Variants in ZMYND12 observed in about 807,000 individuals in gnomAD.
The protein encoded by ZMYND12 is zinc finger MYND-type containing 12.
Under a neutral mutation model 41.7 loss-of-function variants are expected in ZMYND12, and 32 were observed. The observed-to-expected ratio is 0.77, with a 90% CI of 0.58 to 1.03. The LOEUF is 1.03. Ranked by LOEUF, ZMYND12 falls within the 50% of genes least tolerant of loss-of-function variation. ZMYND12 has a pLI of 0.00. For synonymous variants in ZMYND12, 148 were observed against 164.8 expected, an observed-to-expected ratio of 0.90 and a Z score of 0.78; for missense variants, 424 against 438.5, an observed-to-expected ratio of 0.97 and a Z score of 0.30.
intron 4 of ZMYND12, among the ~76,000 whole-genome samples, chr1:42,436,801 A>G (rs993849515): frequency 6.6e-5 from 10 of 151,944 alleles, no homozygotes; most frequent in African/African-American, 2.2e-4. Flanking sequence ...GGCTAGAATC[A>G]AATACAGAAA....
chr1:42,433,122 T>C (rs769100221), intron 7 of ZMYND12, 21 bp downstream of exon 7: 1 of 1,605,468 alleles, frequency 6.2e-7, no homozygotes, highest in Non-Finnish European at 8.5e-7. Context: ...TTAGACGTGT[T>C]GCTTTTTTAG....
At chr1:42,435,755 C>T (rs1642899220) in intron 5 of ZMYND12, among the ~76,000 whole-genome samples, 1 of 152,238 alleles carries the variant, frequency 6.6e-6, no homozygotes, top group African/African-American at 2.4e-5. Context: ...GAAGATCACA[C>T]ACGACTTCTG....
chr1:42,439,271 CTTT>C, intron 4 of ZMYND12, among the ~76,000 whole-genome samples: 1 of 144,432 alleles, frequency 6.9e-6, no homozygotes, highest in African/African-American at 2.6e-5. Flanking sequence ...CTCTCTCTCT[CTTT>C]TTTTTTTTTT....
Position 42,448,515 on chromosome 1 carries a change from A to G in ZMYND12, c.376T>C (p.Ser126Pro). 1 of 1,611,904 alleles carries G rather than the reference A, an allele frequency of 6.2e-7. No individual in the cohort carries two copies. Among genetic ancestry groups the G allele is most frequent in the Non-Finnish European group, 8.5e-7 (1 of 1,179,008 alleles). Reference sequence around the variant, plus strand: ...AGGTAAGCAGGCACAAGCTCTACGGAGCTCAGGCCATACAGCTTCACACGG... The same window carrying G: ...AGGTAAGCAGGCACAAGCTCTACGGGGCTCAGGCCATACAGCTTCACACGG... ...RFRVKLYGLS[S>P]VELVPAYLLL... The change falls in exon 3 of 8, where the codon TCC becomes CCC. Residue 126 changes from serine to proline, a missense_variant. By Grantham distance (74) the Ser-to-Pro change is moderately conservative. Transcript: ENST00000372565.
At chr1:42,448,116 A>G (rs1283364596) in intron 3 of ZMYND12, among the ~76,000 whole-genome samples, 2 of 146,292 alleles carry the variant, frequency 1.4e-5, no homozygotes, top group African/African-American at 5.2e-5. Context: ...GAGGGAAAAT[A>G]GCAAAGCAGA....
intron 2 of ZMYND12, among the ~76,000 whole-genome samples, chr1:42,448,895 A>T (rs2148409764): frequency 6.6e-6 from 1 of 152,340 alleles, no homozygotes; most frequent in Middle Eastern, 3.4e-3. Flanking sequence ...TGCTCAATAT[A>T]GAGTTATCAG....
intron 1 of ZMYND12, among the ~76,000 whole-genome samples, chr1:42,455,626 C>CTGA (rs1269558777): frequency 6.6e-6 from 1 of 152,242 alleles, no homozygotes; most frequent in Non-Finnish European, 1.5e-5. Flanking sequence ...TTTGAAGGAA[C>CTGA]TGATCTACCG....
intron 1 of ZMYND12, among the ~76,000 whole-genome samples, chr1:42,454,255 T>A (rs963420055): frequency 7.2e-5 from 11 of 152,190 alleles, no homozygotes; most frequent in African/African-American, 2.7e-4. Context: ...GGCCTTGTAT[T>A]TTCTGTTACA....
chr1:42,453,920 CAT>C (rs1248190049), intron 1 of ZMYND12, among the ~76,000 whole-genome samples: 3 of 152,116 alleles, frequency 2.0e-5, no homozygotes, highest in Non-Finnish European at 2.9e-5. Flanking sequence ...TAGTAAAAGA[CAT>C]AGACATCAGA....
At chr1:42,452,566 G>T (rs1272333982) in intron 1 of ZMYND12, among the ~76,000 whole-genome samples, 1 of 152,128 alleles carries the variant, frequency 6.6e-6, no homozygotes, top group Non-Finnish European at 1.5e-5. Context: ...AGCCAGGCGT[G>T]GTGGCGCATC....
rs367766601 is a variant in ZMYND12 at position 42,430,909 on chromosome 1, A to G, written c.976-51T>C. On this transcript the variant is annotated intron_variant, in intron 7 of 7. Transcript: ENST00000372565. Reference sequence around the variant, plus strand: ...GGAAGTTGTCACAGGAAAGCATAACACTGGGAAGCCCCATCTGTGCTCAAC... The same window carrying G: ...GGAAGTTGTCACAGGAAAGCATAACGCTGGGAAGCCCCATCTGTGCTCAAC... 335 of 1,608,168 alleles carry G rather than the reference A, an allele frequency of 2.1e-4. 1 individual carries two copies. The African/African-American group carries it at 4.0e-3, about 19-fold the overall frequency.
At chr1:42,449,698 G>C (rs761444367) in intron 2 of ZMYND12, among the ~76,000 whole-genome samples, 2 of 152,194 alleles carry the variant, frequency 1.3e-5, no homozygotes, top group Non-Finnish European at 2.9e-5. Context: ...CACCCAGTTT[G>C]TGATATTTGA....
intron 1 of ZMYND12, among the ~76,000 whole-genome samples, chr1:42,450,573 T>G (rs1487583336): frequency 1.3e-5 from 2 of 152,194 alleles, no homozygotes; most frequent in African/African-American, 4.8e-5. Flanking sequence ...TGCTAGCTTG[T>G]GTCTATACCC....
rs754529597 is a variant in ZMYND12 at position 42,430,787 on chromosome 1, G to A, written c.1047C>T (p.Thr349=). The A allele has an allele frequency of 1.2e-6, 2 of 1,614,158 alleles. No individual in the cohort carries two copies. The highest frequency in any genetic ancestry group is 1.3e-5 in the African/African-American group (1 of 75,036). Residue 349 remains threonine (T), a synonymous_variant, in exon 8 of 8, where the codon ACC becomes ACT. Coordinates refer to ENST00000372565, the MANE Select transcript of ZMYND12 (RefSeq NM_032257.5). ...EQQLDVHEQS[T]IQELLSLIST... is the part of the protein sequence containing the mutation. ...AAATGAGACTTAATAACTCTTGAATGGTGCTTTGCTCATGGACATCAAGCT... is the reference window on the plus strand; with the variant it reads ...AAATGAGACTTAATAACTCTTGAATAGTGCTTTGCTCATGGACATCAAGCT...
intron 3 of ZMYND12, among the ~76,000 whole-genome samples, chr1:42,440,535 C>A (rs1642957910): frequency 1.3e-5 from 2 of 152,084 alleles, no homozygotes; most frequent in Admixed American, 1.3e-4. Flanking sequence ...GCAAGGGAGG[C>A]ACTAAGAGGG....
At chr1:42,438,538 C>T (rs1443969641) in intron 4 of ZMYND12, among the ~76,000 whole-genome samples, 1 of 152,066 alleles carries the variant, frequency 6.6e-6, no homozygotes, top group Non-Finnish European at 1.5e-5. Context: ...GGCAGAGAGG[C>T]AGCAGAGAGA....
At chr1:42,435,448 G>A (rs1642896041) in intron 5 of ZMYND12, 63 bp from the exon 6 acceptor site, 2 of 1,275,256 alleles carry the variant, frequency 1.6e-6, no homozygotes, top group South Asian at 1.2e-5. Context: ...GACCAGGCAG[G>A]TGAGGAGAGT....
intron 3 of ZMYND12, among the ~76,000 whole-genome samples, chr1:42,443,208 GA>G (rs373912200): frequency 6.6e-6 from 1 of 152,334 alleles, no homozygotes; most frequent in African/African-American, 2.4e-5. Context: ...AGGCTAGAGA[GA>G]GAGAGTACGG....
chr1:42,450,178 G>A, intron 1 of ZMYND12, 119 bp from the exon 2 acceptor site: 2 of 1,212,878 alleles, frequency 1.6e-6, no homozygotes, highest in East Asian at 4.8e-5. Context: ...AAACCAGGCA[G>A]GGAGCTCAAA....
Sources: gnomAD v4.1 joint callset for allele counts (sites outside exome capture counted in the v4.1 genomes callset) on GRCh38, gnomAD v4.1.1 for gene constraint, MANE v1.5 for transcripts, NCBI Gene and HGNC (gene_info 2026-07-23, HGNC 2026-07-21) for gene names.